Variants in CACNA2D1 observed in about 807,000 individuals in gnomAD.
CACNA2D1 encodes the protein calcium voltage-gated channel auxiliary subunit alpha2delta 1.
In CACNA2D1, 53 loss-of-function variants were observed where a neutral mutation model predicts 171.5. The ratio of observed to expected loss-of-function variants is 0.31; its 90% confidence interval spans 0.25 to 0.39. CACNA2D1 has a LOEUF of 0.39. Ranked by LOEUF, CACNA2D1 falls within the 10% of genes least tolerant of loss-of-function variation. The probability of loss-of-function intolerance (pLI) is 1.00; values close to 1 mark genes in which losing one functional copy is unlikely to be tolerated. For synonymous variants in CACNA2D1, 442 were observed against 443.1 expected (o/e 1.00, Z 0.03); for missense variants, 903 against 1,299.8 (o/e 0.69, Z 4.69).
chr7:82,360,445 G>T (rs1820966235), intron 1 of CACNA2D1, among the ~76,000 whole-genome samples: 1 of 152,020 alleles, frequency 6.6e-6, no homozygotes. Context: ...GTTTTCATCA[G>T]TATTTTCAAA....
chr7:82,415,030 G>A (rs1239835139), intron 1 of CACNA2D1, among the ~76,000 whole-genome samples: 2 of 152,172 alleles, frequency 1.3e-5, no homozygotes, highest in Non-Finnish European at 2.9e-5. Flanking sequence ...TATTAAACAA[G>A]TCTTTAAAAG....
intron 3 of CACNA2D1, among the ~76,000 whole-genome samples, chr7:82,323,885 A>T (rs550989023): frequency 1.3e-5 from 2 of 152,110 alleles, no homozygotes; most frequent in Non-Finnish European, 2.9e-5. Flanking sequence ...CCTTGTCTGA[A>T]CCTTCCATTA....
chr7:82,020,551 G>T (rs1801062164), intron 12 of CACNA2D1, among the ~76,000 whole-genome samples: 2 of 152,158 alleles, frequency 1.3e-5, no homozygotes, highest in East Asian at 3.9e-4. Context: ...TGAAGATGAT[G>T]ATGAAGACAA....
At chr7:82,084,583 C>T (rs947354182) in intron 7 of CACNA2D1, among the ~76,000 whole-genome samples, 186 bp downstream of exon 7, 5 of 152,170 alleles carry the variant, frequency 3.3e-5, no homozygotes, top group Admixed American at 6.5e-5. Context: ...TCCACAACTG[C>T]TCCTTAGGTA....
chr7:82,040,748 G>A (rs540663388), intron 10 of CACNA2D1, among the ~76,000 whole-genome samples: 1 of 152,244 alleles, frequency 6.6e-6, no homozygotes, highest in South Asian at 2.1e-4. Context: ...GCCAAGACGG[G>A]TGGATCACCT....
At chr7:82,394,552 A>G (rs923218727) in intron 1 of CACNA2D1, among the ~76,000 whole-genome samples, 14 of 152,202 alleles carry the variant, frequency 9.2e-5, no homozygotes, top group South Asian at 4.1e-4. Flanking sequence ...ACATTTTTTG[A>G]GAGTTGTACC....
At chr7:82,089,237 G>C (rs2093559165) in intron 6 of CACNA2D1, among the ~76,000 whole-genome samples, 1 of 152,126 alleles carries the variant, frequency 6.6e-6, no homozygotes, top group Non-Finnish European at 1.5e-5. Context: ...GTACATGAGT[G>C]TTCAATATTT....
chr7:82,111,424 G>A (rs564598571), intron 6 of CACNA2D1, among the ~76,000 whole-genome samples: 18 of 71,076 alleles, frequency 2.5e-4, no homozygotes, highest in African/African-American at 9.5e-4. Context: ...GTGTATATAT[G>A]TGTGTATATA....
intron 4 of CACNA2D1, among the ~76,000 whole-genome samples, chr7:82,142,028 T>C (rs941953874): frequency 6.6e-6 from 1 of 152,204 alleles, no homozygotes; most frequent in Admixed American, 6.5e-5. Flanking sequence ...CAACATCATC[T>C]TGGAAGGTTT....
At chr7:81,970,789 A>G (rs778669125) in intron 26 of CACNA2D1, 52 bp from the exon 27 acceptor site, 1 of 1,083,322 alleles carries the variant, frequency 9.2e-7, no homozygotes, top group African/African-American at 1.5e-5. Context: ...ATTCTAAAAA[A>G]CAAAGTTAGG....
rs987550279 is a variant in CACNA2D1 at position 82,296,003 on chromosome 7, G to A, written c.294+39132C>T. ...AAATCATCATTCTCAGTAAACTATC[G>A]CAAGGACAAAAAACCAAACACCTCA... On this transcript the variant is annotated intron_variant, in intron 3 of 38. Transcript: ENST00000356860. 9.9e-5 allele frequency among the ~76,000 whole-genome samples: 15 copies of A among 151,352 alleles called. No homozygotes were observed. In the South Asian group the frequency reaches 1.5e-3, roughly 15 times the overall value.
intron 5 of CACNA2D1, among the ~76,000 whole-genome samples, chr7:82,127,130 G>A (rs1248303097): frequency 1.3e-5 from 2 of 152,138 alleles, no homozygotes; most frequent in Admixed American, 1.3e-4. Flanking sequence ...TTGGACCTAG[G>A]GAAACTACAT....
chr7:82,069,704 G>A (rs1434411022), intron 7 of CACNA2D1, among the ~76,000 whole-genome samples: 1 of 57,212 alleles, frequency 1.7e-5, no homozygotes, highest in Non-Finnish European at 3.3e-5. Context: ...AAATAATAGC[G>A]AAGTACCCCT....
rs1052944783 is a variant in CACNA2D1 at position 82,197,180 on chromosome 7, A to T, written c.295-26571T>A. Reference sequence around the variant, plus strand: ...ATAGAAAAATTAATCTTTACTAAAGATTACTTAATTAGGAACATTGTTATT... The same window carrying T: ...ATAGAAAAATTAATCTTTACTAAAGTTTACTTAATTAGGAACATTGTTATT... On this transcript the variant is annotated intron_variant, in intron 3 of 38. Coordinates refer to ENST00000356860, the MANE Select transcript of CACNA2D1 (RefSeq NM_000722.4). Among the ~76,000 whole-genome samples, 5 of 151,992 alleles carry T rather than the reference A, an allele frequency of 3.3e-5. 1 individual carries two copies. Among genetic ancestry groups the T allele is most frequent in the Admixed American group, 3.3e-4 (5 of 15,220 alleles).
At chr7:82,120,036 A>G (rs1027471679) in intron 5 of CACNA2D1, among the ~76,000 whole-genome samples, 1 of 152,108 alleles carries the variant, frequency 6.6e-6, no homozygotes, top group African/African-American at 2.4e-5. Context: ...TTTAAAAATG[A>G]GCCTGGCATC....
chr7:81,959,301 C>T lies in CACNA2D1; in HGVS notation c.3133G>A (p.Asp1045Asn). 6.2e-7 allele frequency: 1 copy of T among 1,610,570 alleles called. No homozygotes were observed. Among genetic ancestry groups the T allele is most frequent in the Non-Finnish European group, 8.5e-7 (1 of 1,177,016 alleles). ...VKQPRYRKGP[D>N]VCFDNNVLED... is the part of the protein sequence containing the mutation. ...AAGACATTGTTATCAAAGCAGACAT[C>T]AGGCCCTTTTCGGTATCTGGGTTGC... The change falls in exon 38 of 39, where the codon GAT becomes AAT. Residue 1045 changes from aspartate (D) to asparagine (N), a missense_variant. This residue lies in a region of CACNA2D1 where 623 missense variants were observed against 925.5 expected (regional missense o/e 0.67). Transcript: ENST00000356860.
intron 12 of CACNA2D1, among the ~76,000 whole-genome samples, chr7:82,024,557 A>T (rs796256584): frequency 5.9e-5 from 9 of 151,854 alleles, no homozygotes; most frequent in African/African-American, 2.2e-4. Context: ...CCCTTATCAA[A>T]TATATGGCTT....
intron 7 of CACNA2D1, among the ~76,000 whole-genome samples, chr7:82,076,457 T>C (rs1808977868): frequency 6.6e-6 from 1 of 152,128 alleles, no homozygotes; most frequent in Non-Finnish European, 1.5e-5. Flanking sequence ...GCTTTGATAT[T>C]CTCATCCATT....
At chr7:82,066,022 A>C (rs1229348759) in intron 8 of CACNA2D1, among the ~76,000 whole-genome samples, 1 of 152,126 alleles carries the variant, frequency 6.6e-6, no homozygotes, top group Non-Finnish European at 1.5e-5. Flanking sequence ...TTTGGAAAAA[A>C]AATTAAACCT....
Sources: allele counts gnomAD v4.1 joint callset (sites outside exome capture counted in the v4.1 genomes callset), GRCh38; gene constraint gnomAD v4.1.1; regional missense constraint gnomAD v4.1.1; transcripts MANE v1.5; gene names NCBI Gene and HGNC (gene_info 2026-07-23, HGNC 2026-07-21).